SLC38A2: variants seen among roughly 807,000 people sequenced by gnomAD.
SLC38A2 encodes solute carrier family 38 member 2.
A neutral mutation model predicts 61.5 loss-of-function variants in SLC38A2; 11 were observed. The ratio of observed to expected loss-of-function variants is 0.18; its 90% CI spans 0.11 to 0.30. The LOEUF (loss-of-function observed/expected upper bound fraction) is 0.30, where lower values mean the gene tolerates loss of function less well. Ranked by LOEUF, SLC38A2 falls within the 10% of genes least tolerant of loss-of-function variation. The probability of loss-of-function intolerance (pLI) is 1.00; values close to 1 mark genes in which losing one functional copy is unlikely to be tolerated. For missense variants in SLC38A2, 522 were observed against 600.4 expected, an observed-to-expected ratio of 0.87 and a Z score of 1.36; for synonymous variants, 217 against 212.5, an observed-to-expected ratio of 1.02 and a Z score of -0.18.
At chr12:46,362,045 T>C in intron 15 of SLC38A2, 1 of 400,620 alleles carries the variant, frequency 2.5e-6, no homozygotes, top group African/African-American at 2.1e-5. Flanking sequence ...TCATCCCTAT[T>C]CCTATCTCCA....
Position 46,362,614 on chromosome 12 carries a change from A to C in SLC38A2, c.1204T>G (p.Leu402Val). Residue 402 changes from leucine to valine, a missense_variant, in exon 14 of 16, where the codon TTG becomes GTG. Coordinates refer to ENST00000256689, the MANE Select transcript of SLC38A2 (RefSeq NM_018976.5). Reference protein sequence around the residue: ...FPIRSSVTHLLCASKDFSWWR... With the variant: ...FPIRSSVTHLVCASKDFSWWR... The stretch of plus-strand genomic sequence containing the variant: ...CAACTGAAATCTTTTGATGCACACA[A>C]CAAGTGAGTTACAGAACTCCGGATC... 1.3e-6 allele frequency: 2 copies of C among 1,582,110 alleles called. No individual in the cohort carries two copies. Among genetic ancestry groups the C allele is most frequent in the Non-Finnish European group, 8.5e-7 (1 of 1,172,704 alleles).
At position 46,360,214 on chromosome 12, in the gene SLC38A2, A is replaced by G. The variant is rs2120516391; in HGVS notation, c.*897T>C. 1 of 152,788 alleles carries G rather than the reference A, an allele frequency of 6.5e-6. No homozygotes were observed. The highest frequency in any genetic ancestry group is 2.4e-5 in the African/African-American group (1 of 41,594). 9.5% of individuals were successfully genotyped at this position (152,788 alleles called of 1,614,324 possible). ...AATAAACCCTGTTTTACCCAATTGC[A>G]CTATTTGGTACCTCAAAATTAGTTA... On this transcript the variant is annotated 3_prime_UTR_variant, in exon 16 of 16. Coordinates refer to ENST00000256689, the MANE Select transcript of SLC38A2 (RefSeq NM_018976.5).
intron 6 of SLC38A2, 21 bp downstream of exon 6, chr12:46,367,054 TA>T: frequency 6.2e-7 from 1 of 1,611,924 alleles, no homozygotes; most frequent in Non-Finnish European, 8.5e-7. Context: ...TCTACCCAAA[TA>T]ATCTTTTGAA....
At position 46,360,794 on chromosome 12, in the gene SLC38A2, A is replaced by C; in HGVS notation, c.*317T>G. ...AGTAAAATCATAAAATATCCAAGTTAAACAATGACACAGCCAAGCATGTGG... is the reference window on the plus strand; with the variant it reads ...AGTAAAATCATAAAATATCCAAGTTCAACAATGACACAGCCAAGCATGTGG... On this transcript the variant is annotated 3_prime_UTR_variant, in exon 16 of 16. Transcript: ENST00000256689. 1 of 269,606 alleles carries C rather than the reference A, an allele frequency of 3.7e-6. No homozygotes were observed. The highest frequency in any genetic ancestry group is 6.9e-6 in the Non-Finnish European group (1 of 144,198). The allele number at this position is 269,606 out of a possible 1,614,324, so 16.7% of individuals were successfully genotyped here. A position where few individuals can be genotyped will look rare whatever the true frequency, so the allele number is the denominator to read the frequency against.
rs550322613 is a variant in SLC38A2 at position 46,362,913 on chromosome 12, T to C, written c.1179+108A>G. 5 of 1,388,800 alleles carry C rather than the reference T, an allele frequency of 3.6e-6. No homozygotes were observed. In the Admixed American group the frequency reaches 8.7e-5, roughly 24 times the overall value. 86.0% of individuals were successfully genotyped at this position (1,388,800 alleles called of 1,614,324 possible). A position where few individuals can be genotyped will look rare whatever the true frequency, so the allele number is the denominator to read the frequency against. On this transcript the variant is annotated intron_variant, in intron 13 of 15. Transcript: ENST00000256689. ...AGCCCCTTCAAAACCACCACCAACTTAGTATTGTTCTACTGGTGTTTCCCT... is the reference window on the plus strand; with the variant it reads ...AGCCCCTTCAAAACCACCACCAACTCAGTATTGTTCTACTGGTGTTTCCCT...
chr12:46,362,573 G>A lies in SLC38A2; in HGVS notation c.1245C>T (p.Leu415=), dbSNP rs1565827057. The change falls in exon 14 of 16, where the codon CTC becomes CTT. Residue 415 remains leucine, a synonymous_variant. Coordinates refer to ENST00000256689, the MANE Select transcript of SLC38A2 (RefSeq NM_018976.5). ...TAAATGCCAAGATAGACACTGTAAT[G>A]AGACTATGACGCCACCAACTGAAAT... The part of the protein sequence containing the change: ...SKDFSWWRHS[L]ITVSILAFTN... 2 of 1,601,428 alleles carry A rather than the reference G, an allele frequency of 1.2e-6. No individual in the cohort carries two copies. The highest frequency in any genetic ancestry group is 1.7e-6 in the Non-Finnish European group (2 of 1,177,130).
In SLC38A2 at chr12:46,363,678, GT is replaced by G. The variant is rs537650286; in HGVS notation, c.1054+47del. 1,938 of 1,208,784 alleles carry G rather than the reference GT, an allele frequency of 1.6e-3. 12 individuals carry two copies. The highest frequency in any genetic ancestry group is 0.012 in the South Asian group (775 of 63,674). The allele number at this position is 1,208,784 out of a possible 1,614,324, so 74.9% of individuals were successfully genotyped here. On this transcript the variant is annotated intron_variant, in intron 12 of 15. Coordinates refer to ENST00000256689, the MANE Select transcript of SLC38A2 (RefSeq NM_018976.5). ...AACTAGCAGCTTCATTTCAATAAGC[GT>G]TTTTTTTTGTTTTTGTTTTTGTTTT...
rs767390551 is a variant in SLC38A2, at chr12:46,362,562, G to C, written c.1256C>G (p.Ser419Cys). 1 of 1,602,666 alleles carries C rather than the reference G, an allele frequency of 6.2e-7. No homozygotes were observed. ...SWWRHSLITV[S>C]ILAFTNLLVI... ...AAGTAAATTGGTAAATGCCAAGATA[G>C]ACACTGTAATGAGACTATGACGCCA... Residue 419 changes from serine to cysteine, a missense_variant, in exon 14 of 16, where the codon TCT (serine) becomes TGT (cysteine). Ser to Cys is a moderately radical substitution (Grantham distance 112, BLOSUM62 -1). This residue lies in a region of SLC38A2 where 309 missense variants were observed against 343.9 expected (regional missense o/e 0.90). Coordinates refer to ENST00000256689, the MANE Select transcript of SLC38A2 (RefSeq NM_018976.5).
At chr12:46,362,684 T>C (rs1329317389) in intron 13 of SLC38A2, 46 bp from the exon 14 acceptor site, 3 of 1,528,290 alleles carry the variant, frequency 2.0e-6, no homozygotes, top group Non-Finnish European at 2.6e-6. Flanking sequence ...AGCAGCAATA[T>C]AAAATTTAAA....
intron 4 of SLC38A2, 91 bp downstream of exon 4, chr12:46,370,421 A>T (rs1333897465): frequency 1.1e-6 from 1 of 926,328 alleles, no homozygotes. Flanking sequence ...TGAGTCAGCT[A>T]CTCCAACTGT....
intron 1 of SLC38A2, chr12:46,371,667 GA>G (rs1283444549): frequency 1.3e-5 from 3 of 231,940 alleles, no homozygotes; most frequent in East Asian, 1.5e-4. Context: ...TGGAGGGGGC[GA>G]GGGGGGGTTC....
intron 4 of SLC38A2, 25 bp from the exon 5 acceptor site, chr12:46,367,365 G>A: frequency 3.2e-6 from 4 of 1,264,924 alleles, no homozygotes; most frequent in African/African-American, 3.0e-5. Flanking sequence ...AAAAGGCATA[G>A]GGTTATAAAT....
Position 46,362,147 on chromosome 12 carries a change from G to A in SLC38A2, c.1422+137C>T, listed in dbSNP as rs1162340398. Reference sequence around the variant, plus strand: ...CCCTCTGCAATCTTCCATCTGTGAAGTATACCATTACAGAAATGTTTGCTG... The same window carrying A: ...CCCTCTGCAATCTTCCATCTGTGAAATATACCATTACAGAAATGTTTGCTG... On this transcript the variant is annotated intron_variant, in intron 15 of 15. Transcript: ENST00000256689. The A allele has an allele frequency of 5.9e-6, 4 of 672,780 alleles. No homozygotes were observed. The African/African-American group carries it at 7.4e-5, about 12-fold the overall frequency. 41.7% of individuals were successfully genotyped at this position (672,780 alleles called of 1,614,324 possible).
chr12:46,365,367 T>A, intron 7 of SLC38A2, 178 bp from the exon 8 acceptor site: 1 of 629,682 alleles, frequency 1.6e-6, no homozygotes, highest in Non-Finnish European at 2.8e-6. Context: ...GTGTGCTAGA[T>A]GAACATTTAC....
intron 5 of SLC38A2, 38 bp downstream of exon 5, chr12:46,367,229 T>G (rs895165551): frequency 1.1e-5 from 17 of 1,575,844 alleles, no homozygotes; most frequent in African/African-American, 1.3e-5. Flanking sequence ...AAATGATAGG[T>G]ATACATTGTT....
At position 46,358,702 on chromosome 12, in the gene SLC38A2, C is replaced by T. The variant is rs962318327; in HGVS notation, c.*2409G>A. The T allele has an allele frequency of 6.6e-6, 1 of 152,468 alleles. No homozygotes were observed. The highest frequency in any genetic ancestry group is 1.5e-5 in the Non-Finnish European group (1 of 68,018). The allele number at this position is 152,468 out of a possible 1,614,324, so 9.4% of individuals were successfully genotyped here. ...ACCCAAACCTGACATTATATACAAC[C>T]TATTTACAAATACATATGGACAGAC... On this transcript the variant is annotated 3_prime_UTR_variant, in exon 16 of 16. Transcript: ENST00000256689.
At position 46,361,213 on chromosome 12, in the gene SLC38A2, CAA is replaced by C; in HGVS notation, c.1423-6_1423-5del. 1 of 1,611,028 alleles carries C rather than the reference CAA, an allele frequency of 6.2e-7. No individual in the cohort carries two copies. The highest frequency in any genetic ancestry group is 8.5e-7 in the Non-Finnish European group (1 of 1,178,186). On this transcript the variant is annotated splice_region_variant and splice_polypyrimidine_tract_variant and intron_variant, in intron 15 of 15. Coordinates refer to ENST00000256689, the MANE Select transcript of SLC38A2 (RefSeq NM_018976.5). ...CACTTAACAGGAAGAACAAAGCCTGCAAAGAGCATAGAGAAAATTGATCAGCA... is the reference window on the plus strand; with the variant it reads ...CACTTAACAGGAAGAACAAAGCCTGCAGAGCATAGAGAAAATTGATCAGCA...
In SLC38A2 at chr12:46,360,181, T is replaced by G. The variant is rs772839311; in HGVS notation, c.*930A>C. 6.5e-6 allele frequency: 1 copy of G among 152,674 alleles called. No homozygotes were observed. The highest frequency in any genetic ancestry group is 1.5e-5 in the Non-Finnish European group (1 of 68,032). The allele number at this position is 152,674 out of a possible 1,614,324, so 9.5% of individuals were successfully genotyped here. The stretch of plus-strand genomic sequence containing the variant: ...CTGTCAATACAACACTGGAGACAGA[T>G]GCAACTGAATAAACCCTGTTTTACC... On this transcript the variant is annotated 3_prime_UTR_variant, in exon 16 of 16. Coordinates refer to ENST00000256689, the MANE Select transcript of SLC38A2 (RefSeq NM_018976.5).
chr12:46,363,684 TTTTG>T (rs770278276), intron 12 of SLC38A2, 38 bp downstream of exon 12: 1 of 1,299,550 alleles, frequency 7.7e-7, no homozygotes, highest in East Asian at 2.4e-5. Context: ...AAGCGTTTTT[TTTTG>T]TTTTTGTTTT....
Sources: gnomAD v4.1 joint callset for allele counts on GRCh38, gnomAD v4.1.1 for gene constraint, gnomAD v4.1.1 regional missense constraint, MANE v1.5 for transcripts, NCBI Gene and HGNC (gene_info 2026-07-23, HGNC 2026-07-21) for gene names.